Variants in NFASC observed in about 807,000 individuals in gnomAD.
NFASC encodes neurofascin homolog.
In NFASC, 43 loss-of-function variants were observed where a neutral mutation model predicts 147.5. The observed-to-expected ratio is 0.29, with a 90% CI of 0.23 to 0.38. NFASC has a LOEUF of 0.38. NFASC is among the 10% of genes least tolerant of loss of function. The pLI is 1.00. For synonymous variants in NFASC, 622 were observed against 665.5 expected, an observed-to-expected ratio of 0.93 and a Z score of 1.01; for missense variants, 1,320 against 1,689.0, an observed-to-expected ratio of 0.78 and a Z score of 3.83.
At position 205,002,698 on chromosome 1, in the gene NFASC, G is replaced by A. The variant is rs752274255; in HGVS notation, c.3239G>A (p.Arg1080Gln). ...GMTYTLRVYS[R>Q]DNEGISSTVI... The stretch of plus-strand genomic sequence containing the variant: ...ACATACACGTTGCGGGTTTATTCCC[G>A]GGACAACGAGGGCATCAGCAGTACC... Residue 1080 changes from arginine to glutamine, a missense_variant, in exon 27 of 30, where the codon CGG becomes CAG. Around this residue, in one of 3 missense-constraint regions of NFASC, gnomAD observed 167 missense variants for 233.8 expected, o/e 0.71. Transcript: ENST00000339876. The A allele has an allele frequency of 8.2e-6, 13 of 1,578,746 alleles. No individual in the cohort carries two copies. Among genetic ancestry groups the A allele is most frequent in the South Asian group, 4.5e-5 (4 of 87,942 alleles).
At position 204,975,591 on chromosome 1, in the gene NFASC, AC is replaced by A. The variant is rs35616114; in HGVS notation, c.1706+180del. Among the ~76,000 whole-genome samples, 4 of 147,786 alleles carry A rather than the reference AC, an allele frequency of 2.7e-5. No homozygotes were observed. The highest frequency in any genetic ancestry group is 6.0e-5 in the Non-Finnish European group (4 of 66,712). On this transcript the variant is annotated intron_variant, in intron 15 of 29. Coordinates refer to ENST00000339876, the MANE Select transcript of NFASC (RefSeq NM_001005388.3). The surrounding 1 kb of genome is among the most constrained non-coding windows in gnomAD (Gnocchi z 4.0). ...GGGCAACTCCCCTGCTTCAGGGGAGACCCCCCCACCGACCCTGTACAACCTC... is the reference window on the plus strand; with the variant it reads ...GGGCAACTCCCCTGCTTCAGGGGAGACCCCCCACCGACCCTGTACAACCTC...
intron 27 of NFASC, among the ~76,000 whole-genome samples, chr1:205,007,222 G>A (rs1438269246): frequency 2.0e-5 from 3 of 151,216 alleles, no homozygotes; most frequent in Admixed American, 2.0e-4. Flanking sequence ...GCAAGACCCT[G>A]TCTTTACTAA....
At position 204,981,602 on chromosome 1, in the gene NFASC, C is replaced by T. The variant is rs139969565; in HGVS notation, c.2248-196C>T. On this transcript the variant is annotated intron_variant, in intron 20 of 29. Transcript: ENST00000339876. The stretch of plus-strand genomic sequence containing the variant: ...GCCTGTGTCACAGAAAATCTGCATG[C>T]TGCTGGGTTCACAGGACCTTGGGCT... 4.7e-3 allele frequency among the ~76,000 whole-genome samples: 722 copies of T among 152,360 alleles called. 3 individuals are homozygous for T. Among genetic ancestry groups the T allele is most frequent in the Middle Eastern group, 0.02 (6 of 294 alleles).
rs149325134 is a variant in NFASC at position 204,893,971 on chromosome 1, G to T, written c.-199-26661G>T. 7.7e-4 allele frequency among the ~76,000 whole-genome samples: 117 copies of T among 152,334 alleles called. 1 individual carries two copies. The highest frequency in any genetic ancestry group is 4.8e-3 in the South Asian group (23 of 4,826). On this transcript the variant is annotated intron_variant, in intron 1 of 29. Coordinates refer to ENST00000339876, the MANE Select transcript of NFASC (RefSeq NM_001005388.3). ...CATTAATGACCTCTCATAACAAGTA[G>T]TCTGGATGTAGGTGCTTTCAGATTT... is the stretch of plus-strand genomic sequence containing the variant.
intron 1 of NFASC, among the ~76,000 whole-genome samples, chr1:204,868,433 G>T (rs965810548): frequency 6.6e-6 from 1 of 152,148 alleles, no homozygotes; most frequent in Non-Finnish European, 1.5e-5. Context: ...CCCCAGGCAG[G>T]CCAGCTGTTA....
intron 22 of NFASC, among the ~76,000 whole-genome samples, chr1:204,988,097 A>G (rs905521154): frequency 6.6e-6 from 1 of 152,246 alleles, no homozygotes; most frequent in African/African-American, 2.4e-5. Flanking sequence ...TTAGGCCTTC[A>G]AAAGTAGGTA....
rs759321099 is a variant in NFASC at position 204,970,665 on chromosome 1, C to G, written c.1053C>G (p.Gly351=). The G allele has an allele frequency of 6.2e-7, 1 of 1,614,122 alleles. No individual in the cohort carries two copies. Among genetic ancestry groups the G allele is most frequent in the Non-Finnish European group, 8.5e-7 (1 of 1,180,010 alleles). The change falls in exon 11 of 30, where the codon GGC becomes GGG. Residue 351 remains glycine (G), a synonymous_variant. Transcript: ENST00000339876. ...CCAAGAACCTTATTCTGGCTCCTGGCGAGGATGGGAGACTGGTGTGTCGAG... is the reference window on the plus strand; with the variant it reads ...CCAAGAACCTTATTCTGGCTCCTGGGGAGGATGGGAGACTGGTGTGTCGAG... ...DEPKNLILAP[G]EDGRLVCRAN... is the part of the protein sequence containing the mutation.
rs2092803392 is a variant in NFASC at position 204,936,137 on chromosome 1, A to G, written c.-90-8089A>G. ...CCCCTGAGTCATTTTCGGAAAACCC[A>G]CCAGCTCCTCTGGACCCAATGTGAA... is the stretch of plus-strand genomic sequence containing the variant. On this transcript the variant is annotated intron_variant, in intron 2 of 29. Coordinates refer to ENST00000339876, the MANE Select transcript of NFASC (RefSeq NM_001005388.3). 2.0e-5 allele frequency among the ~76,000 whole-genome samples: 3 copies of G among 149,436 alleles called. No homozygotes were observed. In the South Asian group the frequency reaches 6.4e-4, roughly 32 times the overall value.
At chr1:204,955,941 C>T (rs911786285) in intron 7 of NFASC, among the ~76,000 whole-genome samples, 2 of 152,206 alleles carry the variant, frequency 1.3e-5, no homozygotes, top group East Asian at 1.9e-4. Context: ...TGGCTTTGTG[C>T]TCAATCACTG....
At chr1:204,948,280 T>C (rs1306976503) in intron 3 of NFASC, among the ~76,000 whole-genome samples, 2 of 152,228 alleles carry the variant, frequency 1.3e-5, no homozygotes, top group African/African-American at 4.8e-5. Flanking sequence ...GTACAAGCTG[T>C]CCCCACTGTC....
chr1:205,009,473 A>T, intron 27 of NFASC, 84 bp from the exon 28 acceptor site: 1 of 1,428,542 alleles, frequency 7.0e-7, no homozygotes, highest in Non-Finnish European at 9.9e-7. Context: ...CACATGAGAT[A>T]GCTGAAGTTC....
chr1:204,848,654 T>C (rs964817103), intron 1 of NFASC, among the ~76,000 whole-genome samples: 4 of 152,358 alleles, frequency 2.6e-5, no homozygotes, highest in Admixed American at 2.6e-4. Context: ...AAAACCCCAG[T>C]TGCTTGGGAA....
intron 4 of NFASC, 57 bp from the exon 5 acceptor site, chr1:204,951,954 G>A: frequency 7.0e-7 from 1 of 1,427,328 alleles, no homozygotes; most frequent in Non-Finnish European, 9.8e-7. Context: ...TGTTCCCCAA[G>A]CTGGACCCCA....
intron 8 of NFASC, among the ~76,000 whole-genome samples, chr1:204,965,593 T>G (rs529990317): frequency 7.8e-4 from 119 of 152,146 alleles, no homozygotes; most frequent in African/African-American, 2.8e-3. Context: ...TGGGCCCGAG[T>G]TTTTTTTAAT....
In NFASC at chr1:204,928,728, C is replaced by T. The variant is rs116628037; in HGVS notation, c.-91+7988C>T. On this transcript the variant is annotated intron_variant, in intron 2 of 29. Coordinates refer to ENST00000339876, the MANE Select transcript of NFASC (RefSeq NM_001005388.3). ...CAAAGAACACAGACGTCTCTGTGTC[C>T]AAGCTATATGGCTTGATAACCCAGC... 8.5e-3 allele frequency among the ~76,000 whole-genome samples: 1,292 copies of T among 152,284 alleles called. 11 individuals are homozygous for T. Among genetic ancestry groups the T allele is most frequent in the Non-Finnish European group, 0.014 (977 of 68,022 alleles).
intron 1 of NFASC, among the ~76,000 whole-genome samples, chr1:204,829,667 G>C (rs1257135504): frequency 6.6e-6 from 1 of 152,178 alleles, no homozygotes. Flanking sequence ...AGATGGATTG[G>C]GGGAGGGGGT....
In NFASC at chr1:205,019,521, G is replaced by T. The variant is rs2096385875; in HGVS notation, c.*2982G>T. On this transcript the variant is annotated 3_prime_UTR_variant, in exon 30 of 30. Transcript: ENST00000339876. ...CATTCAGCAAATAATCTGAAATCCA[G>T]TCTGAACTAAGGCCTGAGCTGTGGA... 1 of 143,604 alleles carries T rather than the reference G, an allele frequency of 7.0e-6. No homozygotes were observed. Among genetic ancestry groups the T allele is most frequent in the Non-Finnish European group, 1.5e-5 (1 of 66,232 alleles). The allele number at this position is 143,604 out of a possible 1,614,324, so 8.9% of individuals were successfully genotyped here.
chr1:204,834,173 C>T (rs1359921794), intron 1 of NFASC, among the ~76,000 whole-genome samples: 2 of 152,082 alleles, frequency 1.3e-5, no homozygotes, highest in East Asian at 1.9e-4. Flanking sequence ...CCACCCTCCC[C>T]CCACCTTCTC....
intron 1 of NFASC, among the ~76,000 whole-genome samples, chr1:204,860,141 A>G (rs922174777): frequency 6.6e-6 from 1 of 152,198 alleles, no homozygotes; most frequent in Non-Finnish European, 1.5e-5. Flanking sequence ...TCACACCCTG[A>G]TGGCCCAGGA....
Sources: allele counts gnomAD v4.1 joint callset (sites outside exome capture counted in the v4.1 genomes callset), GRCh38; gene constraint gnomAD v4.1.1; regional missense constraint gnomAD v4.1.1; non-coding constraint Gnocchi (gnomAD v3.1); transcripts MANE v1.5; gene names NCBI Gene and HGNC (gene_info 2026-07-23, HGNC 2026-07-21).